SEMA6D: variants seen among roughly 807,000 people sequenced by gnomAD.
SEMA6D encodes the protein semaphorin 6D, also known as semaphorin-6D.
SEMA6D carries 35 observed loss-of-function variants against 106.6 expected under a neutral mutation model. That is an observed-to-expected ratio of 0.33 (90% CI 0.25 to 0.44). SEMA6D has a LOEUF of 0.44. Ranked by LOEUF, SEMA6D falls within the 20% of genes least tolerant of loss-of-function variation. The pLI, the probability that SEMA6D is intolerant of heterozygous loss-of-function variation, is 1.00. For synonymous variants in SEMA6D, 499 were observed against 487.7 expected, an observed-to-expected ratio of 1.02 and a Z score of -0.31; for missense variants, 1,185 against 1,345.9, an observed-to-expected ratio of 0.88 and a Z score of 1.87.
chr15:47,566,058 G>A (rs4774497), intron 3 of SEMA6D, among the ~76,000 whole-genome samples: 65,610 of 152,144 alleles, frequency 0.43, 15,482 homozygotes, highest in Non-Finnish European at 0.53. Flanking sequence ...TTCCTAGCAC[G>A]TAACCTTGAG....
chr15:47,619,953 TTGTCTCCCTATTCACA>T (rs572919396), intron 4 of SEMA6D, among the ~76,000 whole-genome samples: 2 of 152,292 alleles, frequency 1.3e-5, no homozygotes, highest in East Asian at 3.9e-4. Context: ...TAATTGATTT[TTGTCTCCCTATTCACA>T]TTACATCTGC....
At chr15:47,428,913 A>T (rs1393450515) in intron 2 of SEMA6D, among the ~76,000 whole-genome samples, 1 of 151,620 alleles carries the variant, frequency 6.6e-6, no homozygotes, top group African/African-American at 2.4e-5. Flanking sequence ...AGAAGTGGAA[A>T]GAAGGAAGGG....
intron 2 of SEMA6D, among the ~76,000 whole-genome samples, chr15:47,457,237 C>T (rs11857221): frequency 6.6e-6 from 1 of 151,636 alleles, no homozygotes; most frequent in Admixed American, 6.6e-5. Flanking sequence ...AATCTCAAAC[C>T]TACTTTAAAG....
chr15:47,559,607 C>A (rs1429497384), intron 3 of SEMA6D, among the ~76,000 whole-genome samples: 2 of 151,918 alleles, frequency 1.3e-5, no homozygotes, highest in South Asian at 2.1e-4. Context: ...TGGAGTGGAG[C>A]CAGAGATTTA....
intron 1 of SEMA6D, among the ~76,000 whole-genome samples, chr15:47,338,866 A>T (rs1043497348): frequency 6.6e-6 from 1 of 152,158 alleles, no homozygotes; most frequent in Admixed American, 6.5e-5. Flanking sequence ...GCAGGATTCT[A>T]ATCTGATTGT....
At position 47,677,871 on chromosome 15, in the gene SEMA6D, T is replaced by G. The variant is rs138696396; in HGVS notation, c.-55+76975T>G. Among the ~76,000 whole-genome samples the G allele has an allele frequency of 6.9e-4, 105 of 152,248 alleles. 2 individuals carry two copies. The highest frequency in any genetic ancestry group is 2.3e-3 in the African/African-American group (97 of 41,536). ...GCTTTTAGACAGAGAATGTAAGAAA[T>G]TAGATGATTAAAGACTTTTCACAAA... On this transcript the variant is annotated intron_variant, in intron 4 of 19. Coordinates refer to the SEMA6D transcript ENST00000558014.
At chr15:47,391,237 G>A (rs1485941825) in intron 1 of SEMA6D, among the ~76,000 whole-genome samples, 1 of 152,074 alleles carries the variant, frequency 6.6e-6, no homozygotes, top group East Asian at 1.9e-4. Flanking sequence ...CTGCTCTTTG[G>A]TCCATACACA....
intron 3 of SEMA6D, among the ~76,000 whole-genome samples, chr15:47,577,808 G>A (rs752845090): frequency 2.0e-5 from 3 of 152,330 alleles, no homozygotes; most frequent in African/African-American, 7.2e-5. Flanking sequence ...AGGACAAAGC[G>A]TGTTCTATTC....
chr15:47,394,169 T>C (rs898956812), intron 1 of SEMA6D, among the ~76,000 whole-genome samples: 3 of 152,168 alleles, frequency 2.0e-5, no homozygotes, highest in Admixed American at 6.6e-5. Flanking sequence ...GTAGCTTTCT[T>C]GGTCTATCAT....
intron 1 of SEMA6D, among the ~76,000 whole-genome samples, chr15:47,240,973 A>G (rs1486492282): frequency 1.3e-5 from 2 of 152,176 alleles, no homozygotes; most frequent in African/African-American, 2.4e-5. Context: ...GTGTCTATCC[A>G]TACATTCTGA....
intron 1 of SEMA6D, among the ~76,000 whole-genome samples, chr15:47,270,663 A>G (rs946520898): frequency 6.6e-6 from 1 of 152,170 alleles, no homozygotes; most frequent in African/African-American, 2.4e-5. Flanking sequence ...CTATTTAGCA[A>G]TTCATCTATG....
intron 1 of SEMA6D, among the ~76,000 whole-genome samples, chr15:47,341,068 A>G (rs984349566): frequency 1.3e-5 from 2 of 152,154 alleles, no homozygotes; most frequent in African/African-American, 4.8e-5. Context: ...CAGTGGATTC[A>G]GGTTATGTTT....
chr15:47,468,666 C>A (rs944385980), intron 2 of SEMA6D, among the ~76,000 whole-genome samples: 1 of 152,210 alleles, frequency 6.6e-6, no homozygotes, highest in Non-Finnish European at 1.5e-5. Flanking sequence ...TTGCTGTTGA[C>A]AGGCTGTGCA....
Position 47,767,081 on chromosome 15 carries a change from G to A in SEMA6D, c.1753G>A (p.Gly585Ser), listed in dbSNP as rs150769593. Residue 585 changes from glycine to serine, a missense_variant, in exon 17 of 19, where the codon GGT becomes AGT. Coordinates refer to ENST00000536845, the MANE Select transcript of SEMA6D (RefSeq NM_001358351.3). Reference protein sequence around the residue: ...STTPDYKIFGGPTSDMEVSSS... With the variant: ...STTPDYKIFGSPTSDMEVSSS... ...TACACCAGATTACAAAATATTTGGC[G>A]GTCCAACATCTGGTTAGTTTTTTTT... is the stretch of plus-strand genomic sequence containing the variant. 164 of 1,564,678 alleles carry A rather than the reference G, an allele frequency of 1.0e-4. No homozygotes were observed. Among genetic ancestry groups the A allele is most frequent in the Non-Finnish European group, 1.4e-4 (156 of 1,153,854 alleles).
chr15:47,542,438 T>C lies in SEMA6D; in HGVS notation c.-86-58427T>C, dbSNP rs115335442. ...TGTGTTTTATTCTCAATTCTACACA[T>C]GCAGTTCTGGACTCTGGCCCTATGA... On this transcript the variant is annotated intron_variant, in intron 3 of 19. Coordinates refer to the SEMA6D transcript ENST00000558014. Among the ~76,000 whole-genome samples, 1,353 of 152,286 alleles carry C rather than the reference T, an allele frequency of 8.9e-3. 17 individuals carry two copies. Among genetic ancestry groups the C allele is most frequent in the African/African-American group, 0.031 (1,281 of 41,564 alleles).
chr15:47,468,556 C>T (rs1370880975), intron 2 of SEMA6D, among the ~76,000 whole-genome samples: 1 of 152,128 alleles, frequency 6.6e-6, no homozygotes, highest in African/African-American at 2.4e-5. Flanking sequence ...AGCTGTGTTA[C>T]GTGGAGCGAG....
At chr15:47,264,381 T>G (rs555103396) in intron 1 of SEMA6D, among the ~76,000 whole-genome samples, 1 of 152,056 alleles carries the variant, frequency 6.6e-6, no homozygotes, top group African/African-American at 2.4e-5. Context: ...TTTGGGGGAC[T>G]TGTATTTTAA....
intron 4 of SEMA6D, among the ~76,000 whole-genome samples, chr15:47,629,517 A>T (rs1209581898): frequency 1.3e-5 from 2 of 151,982 alleles, no homozygotes; most frequent in Non-Finnish European, 2.9e-5. Context: ...ATGAGTAATG[A>T]TCAACTCAAG....
chr15:47,625,044 G>T (rs954507676), intron 4 of SEMA6D, among the ~76,000 whole-genome samples: 5 of 152,044 alleles, frequency 3.3e-5, no homozygotes, highest in Non-Finnish European at 5.9e-5. Flanking sequence ...TACGTTACAG[G>T]TTAACCATGA....
Sources: allele counts gnomAD v4.1 joint callset (sites outside exome capture counted in the v4.1 genomes callset), GRCh38; gene constraint gnomAD v4.1.1; transcripts MANE v1.5; gene names NCBI Gene and HGNC (gene_info 2026-07-23, HGNC 2026-07-21).